The following RFX4 variants were observed in gnomAD, a reference collection of about 807,000 sequenced individuals.
The protein encoded by RFX4 is transcription factor RFX4.
RFX4 carries 10 observed loss-of-function variants against 95.0 expected under a neutral mutation model. The observed-to-expected ratio is 0.11, with a 90% CI of 0.06 to 0.18. The LOEUF (loss-of-function observed/expected upper bound fraction) is 0.18, where lower values mean the gene tolerates loss of function less well. RFX4 is among the 10% of genes least tolerant of loss of function. The probability of loss-of-function intolerance (pLI) is 1.00; values close to 1 mark genes in which losing one functional copy is unlikely to be tolerated. For synonymous variants in RFX4, 321 were observed against 340.7 expected (o/e 0.94, Z 0.64); for missense variants, 640 against 922.0 (o/e 0.69, Z 3.96).
chr12:106,591,630 A>G (rs1047747400), intron 1 of RFX4, among the ~76,000 whole-genome samples: 3 of 152,172 alleles, frequency 2.0e-5, no homozygotes, highest in Admixed American at 1.3e-4. Context: ...GACATAAGTA[A>G]ATCATTCATA....
chr12:106,737,635 G>A (rs769028140), intron 15 of RFX4, among the ~76,000 whole-genome samples: 4 of 151,850 alleles, frequency 2.6e-5, no homozygotes, highest in East Asian at 3.8e-4. Context: ...AGGATTGAGC[G>A]GATGCTTAAG....
chr12:106,753,731 C>T (rs2043056585), intron 17 of RFX4, among the ~76,000 whole-genome samples: 1 of 152,222 alleles, frequency 6.6e-6, no homozygotes, highest in Admixed American at 6.5e-5. Flanking sequence ...GGCACCACCC[C>T]CTGCCGCCTC....
chr12:106,711,319 C>G, intron 9 of RFX4, 134 bp from the exon 10 acceptor site: 1 of 730,858 alleles, frequency 1.4e-6, no homozygotes, highest in South Asian at 1.7e-5. Flanking sequence ...CCAGTGGGTA[C>G]ATAAAATGGG....
intron 2 of RFX4, among the ~76,000 whole-genome samples, chr12:106,635,705 A>G (rs971317346): frequency 9.2e-5 from 14 of 152,212 alleles, no homozygotes; most frequent in African/African-American, 3.4e-4. Context: ...GCAGCTGAAC[A>G]TTTTAGATGT....
In RFX4 at chr12:106,715,337, G is replaced by A. The variant is rs1405524438; in HGVS notation, c.994-63G>A. The A allele has an allele frequency of 3.8e-6, 6 of 1,558,994 alleles. No individual in the cohort carries two copies. The African/African-American group carries it at 5.5e-5, about 14-fold the overall frequency. On this transcript the variant is annotated intron_variant, in intron 10 of 17. Coordinates refer to ENST00000392842, the MANE Select transcript of RFX4 (RefSeq NM_213594.3). ...GCAGATGCATTAACAAGGCATAAAA[G>A]GAAATACAGTGAAAGGGTTTTAACA...
chr12:106,591,470 G>A (rs1032682329), intron 1 of RFX4, among the ~76,000 whole-genome samples: 8 of 151,930 alleles, frequency 5.3e-5, no homozygotes, highest in Non-Finnish European at 1.0e-4. Context: ...GTTTCACTAT[G>A]TTGGCCAAGC....
rs556263204 is a variant in RFX4 at position 106,672,102 on chromosome 12, G to T, written c.316-9891G>T. Among the ~76,000 whole-genome samples, 28 of 152,250 alleles carry T rather than the reference G, an allele frequency of 1.8e-4. No homozygotes were observed. In the South Asian group the frequency reaches 3.5e-3, roughly 19 times the overall value. ...CTCATCTTAAATTAGGAGGGCAATT[G>T]TTTGAACATGCCATCTCGGAAATTC... is the stretch of plus-strand genomic sequence containing the variant. On this transcript the variant is annotated intron_variant, in intron 4 of 17. Transcript: ENST00000392842.
At chr12:106,654,095 G>T in intron 3 of RFX4, 133 bp from the exon 4 acceptor site, 2 of 1,222,078 alleles carry the variant, frequency 1.6e-6, no homozygotes, top group Admixed American at 3.8e-5. Context: ...GTCTTCCTGG[G>T]CCCCAGCTTC....
intron 8 of RFX4, among the ~76,000 whole-genome samples, chr12:106,707,232 A>G (rs189409219): frequency 7.1e-4 from 108 of 152,284 alleles, no homozygotes; most frequent in African/African-American, 2.5e-3. Flanking sequence ...TCATACTGAA[A>G]TAGAGGACAC....
intron 3 of RFX4, among the ~76,000 whole-genome samples, chr12:106,645,029 A>C (rs181186699): frequency 2.6e-4 from 40 of 152,054 alleles, no homozygotes; most frequent in Non-Finnish European, 4.9e-4. Flanking sequence ...TCCTTGCCAC[A>C]AACCCCCTCC....
At chr12:106,654,159 G>A in intron 3 of RFX4, 69 bp from the exon 4 acceptor site, 1 of 1,605,284 alleles carries the variant, frequency 6.2e-7, no homozygotes, top group Non-Finnish European at 8.5e-7. Context: ...TGGAGGACTA[G>A]AAAGAACAGA....
At chr12:106,643,843 G>T (rs1018962308) in intron 3 of RFX4, among the ~76,000 whole-genome samples, 7 of 152,142 alleles carry the variant, frequency 4.6e-5, no homozygotes, top group African/African-American at 1.7e-4. Context: ...TAAGACTCCA[G>T]TCCATTTCTC....
At chr12:106,618,175 T>G (rs893165852) in intron 2 of RFX4, among the ~76,000 whole-genome samples, 2 of 152,030 alleles carry the variant, frequency 1.3e-5, no homozygotes, top group Middle Eastern at 3.5e-3. Flanking sequence ...GTGATTAACA[T>G]ACGTTATAGA....
At chr12:106,599,467 CG>C (rs1218168245) in intron 1 of RFX4, among the ~76,000 whole-genome samples, 1 of 143,834 alleles carries the variant, frequency 7.0e-6, no homozygotes, top group East Asian at 2.0e-4. Context: ...GGCAAGTCAT[CG>C]CTGTGATGAT....
intron 2 of RFX4, among the ~76,000 whole-genome samples, chr12:106,632,440 A>G (rs1362624038): frequency 6.6e-6 from 1 of 152,202 alleles, no homozygotes; most frequent in Non-Finnish European, 1.5e-5. Flanking sequence ...TCTCCCAGTG[A>G]AAACGAAAAG....
At chr12:106,651,615 C>T (rs2040858004) in intron 3 of RFX4, among the ~76,000 whole-genome samples, 1 of 152,150 alleles carries the variant, frequency 6.6e-6, no homozygotes, top group Non-Finnish European at 1.5e-5. Flanking sequence ...CCCAAATAGA[C>T]TGCAAAGTTA....
At chr12:106,677,214 G>C (rs1227164085) in intron 4 of RFX4, among the ~76,000 whole-genome samples, 2 of 152,168 alleles carry the variant, frequency 1.3e-5, no homozygotes, top group Non-Finnish European at 2.9e-5. Flanking sequence ...CAATTCACTA[G>C]GAAAACAGAG....
intron 13 of RFX4, among the ~76,000 whole-genome samples, chr12:106,726,912 C>T (rs1309827097): frequency 6.6e-6 from 1 of 152,092 alleles, no homozygotes; most frequent in East Asian, 1.9e-4. Context: ...GCTGGGATTA[C>T]AGGTGTGTAC....
At chr12:106,602,981 G>A (rs955306393) in intron 1 of RFX4, among the ~76,000 whole-genome samples, 4 of 152,162 alleles carry the variant, frequency 2.6e-5, no homozygotes, top group African/African-American at 7.2e-5. Flanking sequence ...ATACTTTTAG[G>A]TCTTGAGACG....
Sources: allele counts gnomAD v4.1 joint callset (sites outside exome capture counted in the v4.1 genomes callset), GRCh38; gene constraint gnomAD v4.1.1; transcripts MANE v1.5; gene names NCBI Gene and HGNC (gene_info 2026-07-23, HGNC 2026-07-21).